Variants in PDE11A observed in about 807,000 individuals in gnomAD.
The protein encoded by PDE11A is phosphodiesterase 11A, also known as dual 3',5'-cyclic-AMP and -GMP phosphodiesterase 11A.
In PDE11A, 100 loss-of-function variants were observed where a neutral mutation model predicts 100.5. That is an observed-to-expected ratio of 1.00 (90% CI 0.85 to 1.18). The LOEUF (loss-of-function observed/expected upper bound fraction) is 1.18. PDE11A is among the 50% of genes most tolerant of loss of function. The pLI is 0.00. For missense variants in PDE11A, 1,141 were observed against 1,152.6 expected (o/e 0.99, Z 0.15); for synonymous variants, 381 against 420.8 (o/e 0.91, Z 1.16).
chr2:177,889,888 C>T (rs2084502228), intron 4 of PDE11A, among the ~76,000 whole-genome samples: 1 of 151,914 alleles, frequency 6.6e-6, no homozygotes, highest in African/African-American at 2.4e-5. Context: ...GTGTTTTTCA[C>T]TTGGCTTTTG....
At chr2:177,885,957 C>T (rs370820493) in intron 4 of PDE11A, among the ~76,000 whole-genome samples, 4 of 152,234 alleles carry the variant, frequency 2.6e-5, no homozygotes, top group Admixed American at 6.5e-5. Flanking sequence ...TTCTTAACAA[C>T]GAAATAGCTG....
At chr2:177,765,801 C>A (rs2082231172) in intron 10 of PDE11A, among the ~76,000 whole-genome samples, 1 of 152,238 alleles carries the variant, frequency 6.6e-6, no homozygotes, top group Non-Finnish European at 1.5e-5. Flanking sequence ...ATGGCCTTAA[C>A]TTTCATGAGG....
rs528048611 is a variant in PDE11A, at chr2:177,945,089, C to T, written c.1072-39902G>A. On this transcript the variant is annotated intron_variant, in intron 2 of 19. Coordinates refer to ENST00000286063, the MANE Select transcript of PDE11A (RefSeq NM_016953.4). ...CGCCAGCCTTGGCCTCCCGAGGTGC[C>T]GGGATTGCAGAGGGAGTCTCGTTCA... is the stretch of plus-strand genomic sequence containing the variant. Among the ~76,000 whole-genome samples, 23 of 150,632 alleles carry T rather than the reference C, an allele frequency of 1.5e-4. No individual in the cohort carries two copies. In the South Asian group the frequency reaches 4.5e-3, roughly 29 times the overall value.
chr2:177,890,585 T>C (rs1427610183), intron 4 of PDE11A, among the ~76,000 whole-genome samples: 1 of 152,194 alleles, frequency 6.6e-6, no homozygotes, highest in Non-Finnish European at 1.5e-5. Context: ...TATGAGAACT[T>C]CTTTTGTGGA....
chr2:177,657,330 C>T (rs2080404678), intron 19 of PDE11A, among the ~76,000 whole-genome samples: 4 of 152,196 alleles, frequency 2.6e-5, no homozygotes, highest in Admixed American at 2.6e-4. Flanking sequence ...ATGCCTGGGG[C>T]TCCTCTCCCG....
rs143298393 is a variant in PDE11A at position 177,869,284 on chromosome 2, C to A, written c.1367+6575G>T. Reference sequence around the variant, plus strand: ...TTTGCTGCTCAGGCTCTTATAAGACCAAAATCAAGGAATTGACAGAGCTAT... The same window carrying A: ...TTTGCTGCTCAGGCTCTTATAAGACAAAAATCAAGGAATTGACAGAGCTAT... On this transcript the variant is annotated intron_variant, in intron 5 of 19. Coordinates refer to ENST00000286063, the MANE Select transcript of PDE11A (RefSeq NM_016953.4). 3.0e-3 allele frequency among the ~76,000 whole-genome samples: 460 copies of A among 152,312 alleles called. 5 individuals are homozygous for A. Among genetic ancestry groups the A allele is most frequent in the African/African-American group, 0.011 (451 of 41,566 alleles).
At chr2:177,779,293 T>C (rs1408387340) in intron 9 of PDE11A, among the ~76,000 whole-genome samples, 1 of 152,234 alleles carries the variant, frequency 6.6e-6, no homozygotes, top group Non-Finnish European at 1.5e-5. Context: ...GCTTGAATGT[T>C]GAGGGCTGCT....
chr2:177,886,059 T>G (rs1157077212), intron 4 of PDE11A, among the ~76,000 whole-genome samples: 1 of 152,176 alleles, frequency 6.6e-6, no homozygotes, highest in Non-Finnish European at 1.5e-5. Context: ...ATGTCTACAT[T>G]CACTTTCCTT....
In PDE11A at chr2:177,980,133, C is replaced by T. The variant is rs1199903720; in HGVS notation, c.1071+34169G>A. On this transcript the variant is annotated intron_variant, in intron 2 of 19. Coordinates refer to ENST00000286063, the MANE Select transcript of PDE11A (RefSeq NM_016953.4). ...TTCAAACCTACTGCTTTAAGGTAGA[C>T]CAATAAGTAGAAAGTGACATCCTAA... 4.0e-5 allele frequency among the ~76,000 whole-genome samples: 6 copies of T among 149,948 alleles called. 1 individual carries two copies. Among genetic ancestry groups the T allele is most frequent in the Admixed American group, 6.7e-5 (1 of 15,016 alleles).
chr2:177,631,291 CAAAAAAAAAAA>C (rs869059416), intron 19 of PDE11A, among the ~76,000 whole-genome samples: 2 of 11,876 alleles, frequency 1.7e-4, no homozygotes, highest in African/African-American at 4.5e-4. Context: ...ACTAAAAATG[CAAAAAAAAAAA>C]AAAAAAAACA....
chr2:177,727,783 G>C lies in PDE11A; in HGVS notation c.1936-18C>G. 7.0e-6 allele frequency: 10 copies of C among 1,425,908 alleles called. No individual in the cohort carries two copies. The highest frequency in any genetic ancestry group is 9.9e-6 in the Non-Finnish European group (10 of 1,008,348). 88.3% of individuals were successfully genotyped at this position (1,425,908 alleles called of 1,614,324 possible). On this transcript the variant is annotated intron_variant, in intron 11 of 19. Transcript: ENST00000286063. ...CACAGTGTCTGAAATGGGAGGGAGA[G>C]GGTGCGTCAGGCAGTTGTAAGTGAT...
intron 12 of PDE11A, among the ~76,000 whole-genome samples, chr2:177,718,855 T>C (rs1388644481): frequency 6.6e-6 from 1 of 152,220 alleles, no homozygotes; most frequent in Non-Finnish European, 1.5e-5. Flanking sequence ...CTGTCCCAGC[T>C]TGAAATGAAA....
intron 2 of PDE11A, among the ~76,000 whole-genome samples, chr2:177,977,831 T>C (rs1381852583): frequency 1.5e-5 from 2 of 131,652 alleles, no homozygotes; most frequent in Non-Finnish European, 3.3e-5. Flanking sequence ...GGGAAAGGAT[T>C]CCCTATTTAA....
intron 2 of PDE11A, among the ~76,000 whole-genome samples, chr2:177,957,233 C>G (rs1559023276): frequency 6.6e-6 from 1 of 151,888 alleles, no homozygotes; most frequent in Non-Finnish European, 1.5e-5. Context: ...AAACTCAATA[C>G]TGTATATAAT....
Position 177,713,522 on chromosome 2 carries a change from C to T in PDE11A, c.2044-1644G>A, listed in dbSNP as rs142707099. Among the ~76,000 whole-genome samples the T allele has an allele frequency of 3.5e-3, 526 of 152,094 alleles. 4 individuals are homozygous for T. In the East Asian group the frequency reaches 0.043, roughly 13 times the overall value. ...GGTAGATCAACTGAGGTCAGGAATT[C>T]GAGACCAGCCTGATGAACATGGCAA... On this transcript the variant is annotated intron_variant, in intron 12 of 19. Coordinates refer to ENST00000286063, the MANE Select transcript of PDE11A (RefSeq NM_016953.4).
At chr2:177,954,953 T>C (rs2085543695) in intron 2 of PDE11A, among the ~76,000 whole-genome samples, 1 of 152,138 alleles carries the variant, frequency 6.6e-6, no homozygotes. Context: ...CCCTAAAGCA[T>C]GCAAGACATA....
At chr2:177,799,604 A>G (rs1332352554) in intron 9 of PDE11A, among the ~76,000 whole-genome samples, 2 of 152,216 alleles carry the variant, frequency 1.3e-5, no homozygotes, top group African/African-American at 2.4e-5. Flanking sequence ...AAGAATTTTC[A>G]CCAAGTATAA....
chr2:178,101,344 T>C (rs1252706058), intron 2 of PDE11A, among the ~76,000 whole-genome samples: 1 of 152,186 alleles, frequency 6.6e-6, no homozygotes, highest in Non-Finnish European at 1.5e-5. Context: ...ATGAAAAGCT[T>C]CTGAGTCATT....
At chr2:177,924,317 T>C (rs35219250) in intron 2 of PDE11A, among the ~76,000 whole-genome samples, 33 of 152,186 alleles carry the variant, frequency 2.2e-4, no homozygotes, top group Non-Finnish European at 4.0e-4. Flanking sequence ...AAGCTGACAC[T>C]ACAGAAATGC....
Sources: allele counts gnomAD v4.1 joint callset (sites outside exome capture counted in the v4.1 genomes callset), GRCh38; gene constraint gnomAD v4.1.1; transcripts MANE v1.5; gene names NCBI Gene and HGNC (gene_info 2026-07-23, HGNC 2026-07-21).